The following RNF123 variants were observed in gnomAD, a reference collection of about 807,000 sequenced individuals.
RNF123 encodes ring finger protein 123.
In RNF123, 86 loss-of-function variants were observed where a neutral mutation model predicts 168.5. That is an observed-to-expected ratio of 0.51 (90% CI 0.43 to 0.61). The LOEUF (loss-of-function observed/expected upper bound fraction) is 0.61. Among genes scored for constraint, RNF123 ranks in the 20% least tolerant of loss-of-function variants. The pLI is 0.00. For synonymous variants in RNF123, 666 were observed against 689.1 expected, an observed-to-expected ratio of 0.97 and a Z score of 0.52; for missense variants, 1,419 against 1,729.7, an observed-to-expected ratio of 0.82 and a Z score of 3.19.
chr3:49,721,097 G>A lies in RNF123; in HGVS notation c.3816G>A (p.Lys1272=), dbSNP rs771150955. The A allele has an allele frequency of 1.2e-6, 2 of 1,614,016 alleles. No homozygotes were observed. The highest frequency in any genetic ancestry group is 1.7e-6 in the Non-Finnish European group (2 of 1,179,930). Residue 1272 remains lysine, a synonymous_variant, in exon 38 of 39, where the codon AAG becomes AAA. Coordinates refer to ENST00000327697, the MANE Select transcript of RNF123 (RefSeq NM_022064.5). The stretch of plus-strand genomic sequence containing the variant: ...CTGTGTTCCAGCCCTGTGGCCACAA[G>A]TCCTGCAAGTAAGTGGGCCCCACAG... ...ISAVFQPCGH[K]SCKACINQHL... is the part of the protein sequence containing the mutation.
At position 49,701,606 on chromosome 3, in the gene RNF123, G is replaced by A. The variant is rs1018352551; in HGVS notation, c.1393G>A (p.Glu465Lys). ...TTWWPHCSSREGKESTEMKEE... is the reference protein window; with the variant it reads ...TTWWPHCSSRKGKESTEMKEE... ...CTGGTGGCCCCACTGCTCCAGTAGGGAGGTGAGTGCACCCCAAGTGGGATG... is the reference window on the plus strand; with the variant it reads ...CTGGTGGCCCCACTGCTCCAGTAGGAAGGTGAGTGCACCCCAAGTGGGATG... The change falls in exon 16 of 39, where the codon GAG becomes AAG. Residue 465 changes from glutamate (E) to lysine (K), a missense_variant and splice_region_variant. This residue lies in a region of RNF123 where 349 missense variants were observed against 344.9 expected (regional missense o/e 1.01). Transcript: ENST00000327697. 1.2e-6 allele frequency: 2 copies of A among 1,612,486 alleles called. No individual in the cohort carries two copies. The highest frequency in any genetic ancestry group is 2.2e-5 in the East Asian group (1 of 44,878).
intron 26 of RNF123, among the ~76,000 whole-genome samples, chr3:49,707,193 G>A (rs1469994037): frequency 6.1e-5 from 7 of 115,522 alleles, no homozygotes; most frequent in South Asian, 3.1e-4. Flanking sequence ...CTTGGCCCCC[G>A]TCCTTCTCTC....
At chr3:49,693,743 G>A (rs2054214852) in intron 3 of RNF123, among the ~76,000 whole-genome samples, 1 of 152,142 alleles carries the variant, frequency 6.6e-6, no homozygotes, top group Non-Finnish European at 1.5e-5. Context: ...AGCATACAGG[G>A]GTTCCACAAC....
intron 7 of RNF123, 96 bp downstream of exon 7, chr3:49,698,233 G>T: frequency 1.7e-6 from 2 of 1,185,200 alleles, no homozygotes; most frequent in South Asian, 1.3e-5. Flanking sequence ...AACTGCCTAG[G>T]ACCCTAACTA....
At chr3:49,694,671 C>T (rs535001135) in intron 3 of RNF123, among the ~76,000 whole-genome samples, 2 of 152,346 alleles carry the variant, frequency 1.3e-5, no homozygotes, top group South Asian at 2.1e-4. Context: ...CTGTCTTTTA[C>T]GACTTCTGCC....
At chr3:49,709,207 C>T (rs1363199713) in intron 26 of RNF123, among the ~76,000 whole-genome samples, 15 of 152,088 alleles carry the variant, frequency 9.9e-5, no homozygotes, top group East Asian at 3.9e-4. Flanking sequence ...TCTCGGCTCA[C>T]GGCAGCCTCT....
At chr3:49,713,243 C>T in intron 27 of RNF123, 3 of 590,864 alleles carry the variant, frequency 5.1e-6, no homozygotes, top group Non-Finnish European at 9.0e-6. Flanking sequence ...GGAGCTTTGA[C>T]TGCTCATCAG....
At position 49,696,610 on chromosome 3, in the gene RNF123, T is replaced by C. The variant is rs374618991; in HGVS notation, c.168-533T>C. Among the ~76,000 whole-genome samples the C allele has an allele frequency of 2.7e-3, 409 of 151,096 alleles. 14 individuals are homozygous for C. In the South Asian group the frequency reaches 0.081, roughly 30 times the overall value. On this transcript the variant is annotated intron_variant, in intron 3 of 38. Transcript: ENST00000327697. ...CCTCAGCCTCCCAAAGTGCTGGGAT[T>C]ACAGGCATGAGCCACCGCACCTGGC...
chr3:49,716,051 C>CAAT, intron 33 of RNF123, 41 bp downstream of exon 33: 1 of 1,613,354 alleles, frequency 6.2e-7, no homozygotes, highest in South Asian at 1.1e-5. Context: ...CCTGGGGATG[C>CAAT]CCCATTGATG....
chr3:49,703,554 G>A (rs1430755832), intron 21 of RNF123, 26 bp downstream of exon 21: 16 of 1,588,902 alleles, frequency 1.0e-5, no homozygotes, highest in Non-Finnish European at 1.3e-5. Context: ...TGGGCCGGGA[G>A]CAGTTCTGGG....
chr3:49,701,560 G>A lies in RNF123; in HGVS notation c.1347G>A (p.Leu449=). Residue 449 remains leucine (L), a synonymous_variant, in exon 16 of 39, where the codon CTG becomes CTA. Coordinates refer to ENST00000327697, the MANE Select transcript of RNF123 (RefSeq NM_022064.5). ...CCCTGCGTGTGGAGGAGGCCGGCCT[G>A]CAGGAGCTCATTCCCACCACCTGGT... ...KSPLRVEEAG[L]QELIPTTWWP... 3 of 1,613,842 alleles carry A rather than the reference G, an allele frequency of 1.9e-6. No individual in the cohort carries two copies. The highest frequency in any genetic ancestry group is 1.7e-4 in the Middle Eastern group (1 of 6,040).
intron 35 of RNF123, chr3:49,718,506 C>G (rs1234228627): frequency 1.2e-6 from 2 of 1,613,154 alleles, no homozygotes; most frequent in Non-Finnish European, 1.7e-6. Flanking sequence ...ATCCTGGCGC[C>G]CTGAGAAGCT....
chr3:49,711,139 C>T (rs1372133579), intron 26 of RNF123, among the ~76,000 whole-genome samples: 1 of 152,168 alleles, frequency 6.6e-6, no homozygotes, highest in African/African-American at 2.4e-5. Context: ...AGTTCAAGAC[C>T]AGCCTGGCCA....
chr3:49,701,844 G>T lies in RNF123; in HGVS notation c.1429G>T (p.Ala477Ser), dbSNP rs200279168. ...GAGCACGGAGATGAAGGAGGAGACC[G>T]CAGAGGAGCGGCTGCGGCGGCGAGC... Reference protein sequence around the residue: ...KESTEMKEETAEERLRRRAYE... With the variant: ...KESTEMKEETSEERLRRRAYE... Residue 477 changes from alanine to serine, a missense_variant, in exon 17 of 39, where the codon GCA becomes TCA. Coordinates refer to ENST00000327697, the MANE Select transcript of RNF123 (RefSeq NM_022064.5). The T allele has an allele frequency of 1.3e-6, 2 of 1,574,118 alleles. No homozygotes were observed. Among genetic ancestry groups the T allele is most frequent in the Non-Finnish European group, 8.6e-7 (1 of 1,160,164 alleles).
intron 35 of RNF123, chr3:49,718,897 A>C: frequency 2.5e-6 from 4 of 1,613,598 alleles, no homozygotes; most frequent in Non-Finnish European, 2.5e-6. Flanking sequence ...GTTGGAGGAG[A>C]GGTCCAGAGT....
At position 49,720,865 on chromosome 3, in the gene RNF123, G is replaced by C. The variant is rs762437389; in HGVS notation, c.3709G>C (p.Ala1237Pro). ...ACAGATGCTGGCGCACCTGACCTCT[G>C]CATCTGCCCAGGCAGCAGCTGCCTC... ...VEQMLAHLTS[A>P]SAQAAAASLP... The change falls in exon 37 of 39, where the codon GCA becomes CCA. Residue 1237 changes from alanine to proline, a missense_variant. This residue lies in a region of RNF123 where 164 missense variants were observed against 152.3 expected (regional missense o/e 1.08). Transcript: ENST00000327697. The C allele has an allele frequency of 2.5e-5, 41 of 1,614,020 alleles. No homozygotes were observed. The highest frequency in any genetic ancestry group is 3.3e-5 in the Non-Finnish European group (39 of 1,180,040).
Position 49,710,250 on chromosome 3 carries a change from A to G in RNF123, c.2497-2229A>G, listed in dbSNP as rs373369688. On this transcript the variant is annotated intron_variant, in intron 26 of 38. Transcript: ENST00000327697. ...ACAAATAGTACCTTTACAAGCACTT[A>G]TTGGCCATTTGCATATCTTTTGTTT... Among the ~76,000 whole-genome samples the G allele has an allele frequency of 2.0e-5, 3 of 152,238 alleles. No individual in the cohort carries two copies. In the East Asian group the frequency reaches 5.8e-4, roughly 29 times the overall value.
In RNF123 at chr3:49,691,529, C is replaced by T; in HGVS notation, c.167+20C>T. On this transcript the variant is annotated intron_variant, in intron 3 of 38. Coordinates refer to ENST00000327697, the MANE Select transcript of RNF123 (RefSeq NM_022064.5). ...CAGCAGGTATGGCTGGGTGGGTGGCCCCTCCTCACTCTGCTGGGCCAGACC... is the reference window on the plus strand; with the variant it reads ...CAGCAGGTATGGCTGGGTGGGTGGCTCCTCCTCACTCTGCTGGGCCAGACC... 8.1e-6 allele frequency: 13 copies of T among 1,602,628 alleles called. No individual in the cohort carries two copies. The highest frequency in any genetic ancestry group is 1.0e-5 in the Non-Finnish European group (12 of 1,169,902).
intron 7 of RNF123, 132 bp from the exon 8 acceptor site, chr3:49,698,308 T>C (rs1393506142): frequency 6.4e-6 from 6 of 934,094 alleles, no homozygotes; most frequent in African/African-American, 1.6e-5. Context: ...GCTCAGAGAA[T>C]ACCTCTTACT....
Sources: allele counts gnomAD v4.1 joint callset (sites outside exome capture counted in the v4.1 genomes callset), GRCh38; gene constraint gnomAD v4.1.1; regional missense constraint gnomAD v4.1.1; transcripts MANE v1.5; gene names NCBI Gene and HGNC (gene_info 2026-07-23, HGNC 2026-07-21).